The following TGFB3 variants were observed in gnomAD, a reference collection of about 807,000 sequenced individuals.
TGFB3 encodes transforming growth factor beta-3 proprotein.
In TGFB3, 5 loss-of-function variants were observed where a neutral mutation model predicts 40.1. The observed-to-expected ratio is 0.12, with a 90% CI of 0.07 to 0.26. TGFB3 has a LOEUF of 0.26. TGFB3 is among the 10% of genes least tolerant of loss of function. The probability of loss-of-function intolerance (pLI) is 1.00; values close to 1 mark genes in which losing one functional copy is unlikely to be tolerated. For missense variants in TGFB3, 373 were observed against 530.1 expected, an observed-to-expected ratio of 0.70 and a Z score of 2.91; for synonymous variants, 184 against 205.6, an observed-to-expected ratio of 0.89 and a Z score of 0.90.
rs759977210 is a variant in TGFB3, at chr14:75,971,196, G to A, written c.576C>T (p.Pro192=). ...KQRYIGGKNL[P]TRGTAEWLSF... is the part of the protein sequence containing the mutation. ...ACAGCCACTCGGCAGTGCCCCGTGT[G>A]GGCAGATTCTTGCCACCGATATAGC... The change falls in exon 3 of 7, where the codon CCC becomes CCT. Residue 192 remains proline, a synonymous_variant. Coordinates refer to ENST00000238682, the MANE Select transcript of TGFB3 (RefSeq NM_003239.5). This position sits in a 1 kb window ranked among gnomAD's most constrained non-coding sequence, Gnocchi z 4.5. The A allele has an allele frequency of 6.2e-7, 1 of 1,614,180 alleles. No homozygotes were observed. Among genetic ancestry groups the A allele is most frequent in the South Asian group, 1.1e-5 (1 of 91,064 alleles).
At chr14:75,970,109 C>T (rs1372106892) in intron 3 of TGFB3, among the ~76,000 whole-genome samples, 1 of 152,138 alleles carries the variant, frequency 6.6e-6, no homozygotes, top group Non-Finnish European at 1.5e-5. Context: ...GGCAGATCCA[C>T]GTGGGTTCTC....
At chr14:75,967,415 C>A (rs2035232956) in intron 3 of TGFB3, among the ~76,000 whole-genome samples, 1 of 152,126 alleles carries the variant, frequency 6.6e-6, no homozygotes, top group Admixed American at 6.5e-5. Context: ...TGAGGATTGC[C>A]CTCTCCCTGG....
In TGFB3 at chr14:75,959,054, C is replaced by T. The variant is rs1595336492; in HGVS notation, c.*133G>A. On this transcript the variant is annotated 3_prime_UTR_variant, in exon 7 of 7. Coordinates refer to ENST00000238682, the MANE Select transcript of TGFB3 (RefSeq NM_003239.5). ...ATGTTCCAAAAGGAAACCTCCATCTCAGCCATTTGCCCGGAGCCGAAGGTT... is the reference window on the plus strand; with the variant it reads ...ATGTTCCAAAAGGAAACCTCCATCTTAGCCATTTGCCCGGAGCCGAAGGTT... The T allele has an allele frequency of 3.7e-6, 4 of 1,075,366 alleles. No homozygotes were observed. The highest frequency in any genetic ancestry group is 2.6e-5 in the South Asian group (2 of 77,108). The allele number at this position is 1,075,366 out of a possible 1,614,324, so 66.6% of individuals were successfully genotyped here.
intron 1 of TGFB3, among the ~76,000 whole-genome samples, chr14:75,974,764 C>CAAAAA (rs763057157): frequency 9.0e-6 from 1 of 110,822 alleles, no homozygotes; most frequent in African/African-American, 3.6e-5. Context: ...GACTCCATCT[C>CAAAAA]AAAAAAAAAA....
At chr14:75,963,858 G>C (rs1352067073) in intron 4 of TGFB3, among the ~76,000 whole-genome samples, 1 of 150,588 alleles carries the variant, frequency 6.6e-6, no homozygotes, top group African/African-American at 2.5e-5. Flanking sequence ...CATATCTCCG[G>C]GTTGTCGGCT....
chr14:75,960,809 C>G, intron 6 of TGFB3, 114 bp downstream of exon 6: 3 of 1,425,834 alleles, frequency 2.1e-6, no homozygotes, highest in Non-Finnish European at 2.9e-6. Context: ...AGGAATTTTA[C>G]TCACCCCAGA....
rs1262968719 is a variant in TGFB3, at chr14:75,963,192, C to T, written c.926+124G>A. The stretch of plus-strand genomic sequence containing the variant: ...CTGTGAGAGATTTTCAGTCTTCTTC[C>T]TGGAGATGTTTGTGAATAGCATCAG... On this transcript the variant is annotated intron_variant, in intron 5 of 6. Transcript: ENST00000238682. The T allele has an allele frequency of 4.6e-6, 5 of 1,088,616 alleles. No individual in the cohort carries two copies. The Admixed American group carries it at 8.9e-5, about 19-fold the overall frequency. The allele number at this position is 1,088,616 out of a possible 1,614,324, so 67.4% of individuals were successfully genotyped here.
At position 75,971,481 on chromosome 14, in the gene TGFB3, C is replaced by A; in HGVS notation, c.516+74G>T. 1 of 1,597,062 alleles carries A rather than the reference C, an allele frequency of 6.3e-7. No homozygotes were observed. ...AAACCCAGGTCTGCCAAACGCTGCA[C>A]CCAGTGGTGCCCTGATATGGCAAAG... is the stretch of plus-strand genomic sequence containing the variant. On this transcript the variant is annotated intron_variant, in intron 2 of 6. Transcript: ENST00000238682. The surrounding 1 kb of genome is among the most constrained non-coding windows in gnomAD (Gnocchi z 4.5).
rs368563321 is a variant in TGFB3 at position 75,979,705 on chromosome 14, C to A, written c.352+837G>T. On this transcript the variant is annotated intron_variant, in intron 1 of 6. Transcript: ENST00000238682. The surrounding 1 kb of genome is among the most constrained non-coding windows in gnomAD (Gnocchi z 4.8). ...CAGGCTCCCAGACATATCCCCCCCC[C>A]CCACCATGCACCCACTGCCACCCCT... Among the ~76,000 whole-genome samples the A allele has an allele frequency of 6.4e-4, 97 of 150,816 alleles. No individual in the cohort carries two copies. The highest frequency in any genetic ancestry group is 3.4e-3 in the Middle Eastern group (1 of 290).
chr14:75,976,928 G>T (rs574763088), intron 1 of TGFB3, among the ~76,000 whole-genome samples: 15 of 152,244 alleles, frequency 9.9e-5, no homozygotes, highest in African/African-American at 3.4e-4. Flanking sequence ...TAAGGAGCTT[G>T]TCGAAAATAC....
At chr14:75,976,707 G>C (rs1329959235) in intron 1 of TGFB3, among the ~76,000 whole-genome samples, 2 of 152,028 alleles carry the variant, frequency 1.3e-5, no homozygotes, top group Non-Finnish European at 2.9e-5. Context: ...TGGGCTCCAG[G>C]TCCCCTCCCT....
chr14:75,961,093 T>A lies in TGFB3; in HGVS notation c.927-17A>T, dbSNP rs1389576458. Reference sequence around the variant, plus strand: ...TCCAAGTTGCTACAACAAAAAACATTTATAGAAAATCAACTTAAAACCACC... The same window carrying A: ...TCCAAGTTGCTACAACAAAAAACATATATAGAAAATCAACTTAAAACCACC... On this transcript the variant is annotated splice_polypyrimidine_tract_variant and intron_variant, in intron 5 of 6. Transcript: ENST00000238682. The A allele has an allele frequency of 3.1e-6, 5 of 1,613,996 alleles. No individual in the cohort carries two copies. The highest frequency in any genetic ancestry group is 8.5e-7 in the Non-Finnish European group (1 of 1,179,968).
chr14:75,972,247 A>G (rs921083675), intron 1 of TGFB3, among the ~76,000 whole-genome samples: 6 of 152,228 alleles, frequency 3.9e-5, no homozygotes, highest in African/African-American at 7.2e-5. Context: ...AAACCCATTT[A>G]TGCCTGGTGT....
rs774051354 is a variant in TGFB3, at chr14:75,959,163, CCT to C, written c.*22_*23del. ...GTCAGGCAGTGGTGGTTCTCTCTCC[CCT>C]CTCTCTGTCGCACGTGGGGTCTCAG... is the stretch of plus-strand genomic sequence containing the variant. On this transcript the variant is annotated 3_prime_UTR_variant, in exon 7 of 7. Coordinates refer to ENST00000238682, the MANE Select transcript of TGFB3 (RefSeq NM_003239.5). 6.8e-6 allele frequency: 11 copies of C among 1,613,886 alleles called. No homozygotes were observed. The highest frequency in any genetic ancestry group is 4.5e-5 in the East Asian group (2 of 44,892).
At chr14:75,968,491 C>G (rs1238591655) in intron 3 of TGFB3, among the ~76,000 whole-genome samples, 1 of 152,192 alleles carries the variant, frequency 6.6e-6, no homozygotes, top group Non-Finnish European at 1.5e-5. Context: ...ATGCAAACTT[C>G]TCATTGAGTT....
intron 6 of TGFB3, 40 bp from the exon 7 acceptor site, chr14:75,959,385 T>G (rs763617007): frequency 6.2e-7 from 1 of 1,612,580 alleles, no homozygotes; most frequent in South Asian, 1.1e-5. Context: ...GAAGGCCAAG[T>G]CTCAGGCCTG....
At chr14:75,963,517 C>T in intron 4 of TGFB3, 30 bp from the exon 5 acceptor site, 1 of 1,613,850 alleles carries the variant, frequency 6.2e-7, no homozygotes, top group Non-Finnish European at 8.5e-7. Flanking sequence ...TGACAATCTC[C>T]TGTCTGAAGA....
chr14:75,967,117 C>T (rs2035230164), intron 3 of TGFB3, among the ~76,000 whole-genome samples: 1 of 152,248 alleles, frequency 6.6e-6, no homozygotes, highest in African/African-American at 2.4e-5. Flanking sequence ...GCCCAGCAAC[C>T]TTCTCATAGA....
At chr14:75,977,816 A>G (rs1438114786) in intron 1 of TGFB3, among the ~76,000 whole-genome samples, 1 of 151,950 alleles carries the variant, frequency 6.6e-6, no homozygotes, top group South Asian at 2.1e-4. Flanking sequence ...TGAACCCTAA[A>G]GGTTAAAGGA....
Sources: gnomAD v4.1 joint callset for allele counts (sites outside exome capture counted in the v4.1 genomes callset) on GRCh38, gnomAD v4.1.1 for gene constraint, Gnocchi (gnomAD v3.1) non-coding constraint, MANE v1.5 for transcripts, NCBI Gene and HGNC (gene_info 2026-07-23, HGNC 2026-07-21) for gene names.